Variants in GAD1 observed in about 807,000 individuals in gnomAD.
GAD1 encodes 67 kDa glutamic acid decarboxylase.
A neutral mutation model predicts 75.2 loss-of-function variants in GAD1; 35 were observed. That is an observed-to-expected ratio of 0.47 (90% CI 0.36 to 0.62). The LOEUF (loss-of-function observed/expected upper bound fraction) is 0.62, where lower values mean the gene tolerates loss of function less well. Ranked by LOEUF, GAD1 falls within the 20% of genes least tolerant of loss-of-function variation. GAD1 has a pLI of 0.00. For synonymous variants in GAD1, 257 were observed against 271.9 expected, an observed-to-expected ratio of 0.95 and a Z score of 0.54; for missense variants, 490 against 758.5, an observed-to-expected ratio of 0.65 and a Z score of 4.16.
intron 3 of GAD1, 46 bp downstream of exon 3, chr2:170,822,195 C>T (rs1701904156): frequency 1.3e-6 from 2 of 1,545,002 alleles, no homozygotes; most frequent in African/African-American, 1.4e-5. Context: ...GCGCGGCGGG[C>T]GGACCTTTGG....
chr2:170,843,030 A>C (rs1296326409), intron 6 of GAD1, among the ~76,000 whole-genome samples: 2 of 152,216 alleles, frequency 1.3e-5, no homozygotes, highest in Admixed American at 1.3e-4. Flanking sequence ...CTTTTCGGTG[A>C]GGATGATCTG....
chr2:170,848,137 A>C (rs1331831732), intron 11 of GAD1, among the ~76,000 whole-genome samples: 1 of 152,232 alleles, frequency 6.6e-6, no homozygotes, highest in Non-Finnish European at 1.5e-5. Flanking sequence ...ACATACAGAA[A>C]GTGGCCATGA....
intron 1 of GAD1, chr2:170,817,309 C>G (rs1701732332): frequency 1.3e-5 from 2 of 148,676 alleles, no homozygotes; most frequent in African/African-American, 2.5e-5. Context: ...GGCTGAGGCT[C>G]TAGTTGAAGT....
intron 14 of GAD1, among the ~76,000 whole-genome samples, chr2:170,855,872 C>CAAAA (rs71008727): frequency 2.9e-4 from 32 of 111,662 alleles, no homozygotes; most frequent in Non-Finnish European, 3.7e-4. Context: ...GACTCCATCT[C>CAAAA]AAAAAAAAAA....
intron 3 of GAD1, among the ~76,000 whole-genome samples, chr2:170,824,383 A>C (rs959207479): frequency 4.5e-4 from 6 of 13,298 alleles, no homozygotes; most frequent in East Asian, 2.7e-3. Flanking sequence ...CTGCCTACAC[A>C]CACACACACA....
chr2:170,836,760 A>T lies in GAD1; in HGVS notation c.548-33A>T, dbSNP rs754410381. The T allele has an allele frequency of 2.0e-6, 3 of 1,518,416 alleles. No individual in the cohort carries two copies. The Admixed American group carries it at 5.0e-5, about 25-fold the overall frequency. 94.1% of individuals were successfully genotyped at this position (1,518,416 alleles called of 1,614,324 possible). A position where few individuals can be genotyped will look rare whatever the true frequency, so the allele number is the denominator to read the frequency against. Reference sequence around the variant, plus strand: ...CTTCAAGATAGGTTGAGAAATCTGCATTTGCCTTGATGCTTTTCTGTTTCC... The same window carrying T: ...CTTCAAGATAGGTTGAGAAATCTGCTTTTGCCTTGATGCTTTTCTGTTTCC... On this transcript the variant is annotated intron_variant, in intron 5 of 16. Coordinates refer to ENST00000358196, the MANE Select transcript of GAD1 (RefSeq NM_000817.3).
chr2:170,845,535 A>G lies in GAD1; in HGVS notation c.781A>G (p.Met261Val), dbSNP rs763492866. Reference protein sequence around the residue: ...GGAISNMYSIMAARYKYFPEV... With the variant: ...GGAISNMYSIVAARYKYFPEV... ...CGCCATATCCAACATGTACAGCATC[A>G]TGGCTGCTCGCTACAAGTACTTCCC... The change falls in exon 8 of 17, where the codon ATG becomes GTG. Residue 261 changes from methionine to valine, a missense_variant. Met to Val is a conservative substitution (Grantham distance 21). Around this residue, in one of 3 missense-constraint regions of GAD1, gnomAD observed 324 missense variants for 523.9 expected, o/e 0.62. Coordinates refer to ENST00000358196, the MANE Select transcript of GAD1 (RefSeq NM_000817.3). 3.7e-6 allele frequency: 6 copies of G among 1,614,032 alleles called. No individual in the cohort carries two copies. The East Asian group carries it at 6.7e-5, about 18-fold the overall frequency.
At chr2:170,827,890 A>G (rs1197124053) in intron 3 of GAD1, among the ~76,000 whole-genome samples, 1 of 152,122 alleles carries the variant, frequency 6.6e-6, no homozygotes, top group Non-Finnish European at 1.5e-5. Flanking sequence ...CAGTACCTTC[A>G]TTCAAGGAGA....
intron 10 of GAD1, 43 bp from the exon 11 acceptor site, chr2:170,847,633 A>G: frequency 7.7e-7 from 1 of 1,290,710 alleles, no homozygotes; most frequent in Non-Finnish European, 1.1e-6. Context: ...CAAATGAGAA[A>G]GGTTAAAAAT....
intron 2 of GAD1, among the ~76,000 whole-genome samples, chr2:170,821,520 G>A (rs189525263): frequency 2.0e-5 from 3 of 152,290 alleles, no homozygotes; most frequent in African/African-American, 4.8e-5. Context: ...GCAGCCATGC[G>A]AGCCCGATCA....
At chr2:170,824,302 G>C (rs1276105584) in intron 3 of GAD1, among the ~76,000 whole-genome samples, 1 of 151,984 alleles carries the variant, frequency 6.6e-6, no homozygotes, top group East Asian at 1.9e-4. Context: ...AGACAACTTT[G>C]GCTTTCCATT....
intron 2 of GAD1, chr2:170,821,836 C>G: frequency 1.9e-6 from 1 of 532,700 alleles, no homozygotes; most frequent in Non-Finnish European, 3.4e-6. Context: ...CCCGGAGGGG[C>G]GCCGGGTGCC....
Position 170,852,701 on chromosome 2 carries a change from G to A in GAD1, c.1185-13G>A, listed in dbSNP as rs758981572. ...CTCCTGCACCTTCTCGAAGTCTCATGTGCTTCTTTCAGGGCCAACTCAGTC... is the reference window on the plus strand; with the variant it reads ...CTCCTGCACCTTCTCGAAGTCTCATATGCTTCTTTCAGGGCCAACTCAGTC... On this transcript the variant is annotated splice_polypyrimidine_tract_variant and intron_variant, in intron 12 of 16. Coordinates refer to ENST00000358196, the MANE Select transcript of GAD1 (RefSeq NM_000817.3). The A allele has an allele frequency of 6.2e-7, 1 of 1,613,608 alleles. No individual in the cohort carries two copies. The highest frequency in any genetic ancestry group is 2.2e-5 in the East Asian group (1 of 44,884).
intron 6 of GAD1, among the ~76,000 whole-genome samples, chr2:170,841,150 C>T (rs1018315105): frequency 1.1e-4 from 17 of 152,184 alleles, no homozygotes; most frequent in Non-Finnish European, 1.9e-4. Flanking sequence ...GTTTCTGGTT[C>T]TGACTCTGAA....
chr2:170,824,196 A>G (rs557626825), intron 3 of GAD1, among the ~76,000 whole-genome samples: 118 of 152,342 alleles, frequency 7.7e-4, no homozygotes, highest in African/African-American at 2.6e-3. Flanking sequence ...GCCTTGGGCT[A>G]AAATGCCCCG....
Position 170,818,270 on chromosome 2 carries a change from G to A in GAD1, c.-63-259G>A, listed in dbSNP as rs1701765007. The A allele has an allele frequency of 3.8e-6, 1 of 260,228 alleles. No homozygotes were observed. Among genetic ancestry groups the A allele is most frequent in the Non-Finnish European group, 7.4e-6 (1 of 134,394 alleles). 16.1% of individuals were successfully genotyped at this position (260,228 alleles called of 1,614,324 possible). On this transcript the variant is annotated intron_variant, in intron 1 of 16. Transcript: ENST00000358196. The surrounding 1 kb of genome is among the most constrained non-coding windows in gnomAD (Gnocchi z 5.9). ...CGCCTCGTCTCGGCGCTTCACTCCA[G>A]GTCGCGCCGATGCACCGCCAGACTC...
chr2:170,849,157 T>A lies in GAD1; in HGVS notation c.1120-129T>A, dbSNP rs1702699063. 5 of 813,652 alleles carry A rather than the reference T, an allele frequency of 6.1e-6. No homozygotes were observed. The East Asian group carries it at 1.3e-4, about 22-fold the overall frequency. 50.4% of individuals were successfully genotyped at this position (813,652 alleles called of 1,614,324 possible). A position where few individuals can be genotyped will look rare whatever the true frequency, so the allele number is the denominator to read the frequency against. The stretch of plus-strand genomic sequence containing the variant: ...ATTGAACAATCAGTGTGGGCTGAAC[T>A]TTTCTGAGAAACTTATGTTTTTCAC... On this transcript the variant is annotated intron_variant, in intron 11 of 16. Transcript: ENST00000358196.
intron 3 of GAD1, 34 bp downstream of exon 3, chr2:170,822,183 T>A: frequency 1.3e-6 from 2 of 1,596,864 alleles, no homozygotes; most frequent in Admixed American, 1.7e-5. Flanking sequence ...CCCGGCTGGG[T>A]GGCGCGGCGG....
Position 170,829,644 on chromosome 2 carries a change from C to T in GAD1, c.304+11C>T. 6.2e-7 allele frequency: 1 copy of T among 1,611,900 alleles called. No individual in the cohort carries two copies. Among genetic ancestry groups the T allele is most frequent in the East Asian group, 2.2e-5 (1 of 44,880 alleles). On this transcript the variant is annotated intron_variant, in intron 4 of 16. Coordinates refer to ENST00000358196, the MANE Select transcript of GAD1 (RefSeq NM_000817.3). ...ATCTGTTTGCTAGAGGTAGCCCCTG[C>T]CCCACTCCCGCCCCATGCTAGCCAG...
Sources: allele counts gnomAD v4.1 joint callset (sites outside exome capture counted in the v4.1 genomes callset), GRCh38; gene constraint gnomAD v4.1.1; regional missense constraint gnomAD v4.1.1; non-coding constraint Gnocchi (gnomAD v3.1); transcripts MANE v1.5; gene names NCBI Gene and HGNC (gene_info 2026-07-23, HGNC 2026-07-21).